The following ACO2 variants were observed in gnomAD, a reference collection of about 807,000 sequenced individuals.
ACO2 encodes the protein aconitase 2, also known as aconitate hydratase, mitochondrial.
Under a neutral mutation model 84.5 loss-of-function variants are expected in ACO2, and 31 were observed. The ratio of observed to expected loss-of-function variants is 0.37; its 90% CI spans 0.28 to 0.50. The LOEUF (loss-of-function observed/expected upper bound fraction) is 0.50, where lower values mean the gene tolerates loss of function less well. Among genes scored for constraint, ACO2 ranks in the 20% least tolerant of loss-of-function variants. The probability of loss-of-function intolerance (pLI) is 0.97; values close to 1 mark genes in which losing one functional copy is unlikely to be tolerated. For synonymous variants in ACO2, 414 were observed against 412.7 expected, an observed-to-expected ratio of 1.00 and a Z score of -0.04; for missense variants, 685 against 1,029.3, an observed-to-expected ratio of 0.67 and a Z score of 4.58.
At chr22:41,521,860 C>T (rs2066529381) in intron 9 of ACO2, among the ~76,000 whole-genome samples, 3 of 151,836 alleles carry the variant, frequency 2.0e-5, no homozygotes, top group Admixed American at 6.6e-5. Context: ...CTGCAGCCTC[C>T]GCCTCCCAGG....
At chr22:41,522,219 G>T (rs751605612) in intron 9 of ACO2, among the ~76,000 whole-genome samples, 19 of 152,132 alleles carry the variant, frequency 1.2e-4, no homozygotes, top group Non-Finnish European at 2.8e-4. Flanking sequence ...GTGGGTCCCA[G>T]CTACTCAGGA....
intron 16 of ACO2, 108 bp from the exon 17 acceptor site, chr22:41,527,793 C>T: frequency 6.4e-7 from 1 of 1,561,338 alleles, no homozygotes; most frequent in East Asian, 2.2e-5. Flanking sequence ...CGGGCATTGT[C>T]CCAGGCAGCA....
intron 1 of ACO2, among the ~76,000 whole-genome samples, chr22:41,479,251 A>T (rs372525092): frequency 1.2e-3 from 176 of 152,342 alleles, no homozygotes; most frequent in African/African-American, 4.1e-3. Context: ...AGACAATGAC[A>T]GATGCCCATC....
intron 1 of ACO2, among the ~76,000 whole-genome samples, chr22:41,485,598 G>A (rs143426938): frequency 0.03 from 4,570 of 151,854 alleles, 105 homozygotes; most frequent in Middle Eastern, 0.058. Context: ...CCACCACCAC[G>A]CCCGGCAAAT....
chr22:41,524,972 A>G lies in ACO2; in HGVS notation c.1605+4A>G, dbSNP rs1172094497. ...TGCAGATGAGCTTCCCAAAGGGGTG[A>G]GCGCCCACGCCCCCTGCTTGCTGGT... On this transcript the variant is annotated splice_donor_region_variant and intron_variant, in intron 13 of 17. Transcript: ENST00000216254. The G allele has an allele frequency of 1.2e-6, 2 of 1,614,010 alleles. No homozygotes were observed. Among genetic ancestry groups the G allele is most frequent in the Non-Finnish European group, 1.7e-6 (2 of 1,180,034 alleles).
intron 15 of ACO2, chr22:41,526,773 C>T (rs1412739732): frequency 4.3e-5 from 15 of 349,080 alleles, no homozygotes; most frequent in East Asian, 3.7e-4. Flanking sequence ...GGGGGCTACA[C>T]GGGGCCTCAC....
At chr22:41,527,449 C>T (rs1418077131) in intron 16 of ACO2, 29 bp downstream of exon 16, 5 of 1,587,784 alleles carry the variant, frequency 3.1e-6, no homozygotes, top group Non-Finnish European at 4.3e-6. Context: ...CCAGGCCATC[C>T]TCATCCCATC....
At chr22:41,495,271 G>A (rs1792033805) in intron 1 of ACO2, among the ~76,000 whole-genome samples, 1 of 151,994 alleles carries the variant, frequency 6.6e-6, no homozygotes, top group Non-Finnish European at 1.5e-5. Context: ...GGGCTCAATT[G>A]ATCCTCCTGC....
intron 1 of ACO2, among the ~76,000 whole-genome samples, chr22:41,488,450 A>G (rs1289444720): frequency 1.3e-5 from 2 of 152,180 alleles, no homozygotes; most frequent in Non-Finnish European, 2.9e-5. Flanking sequence ...TTTGGCACCT[A>G]GGAAGGTATT....
chr22:41,474,020 C>T (rs892889378), intron 1 of ACO2, among the ~76,000 whole-genome samples: 3 of 152,014 alleles, frequency 2.0e-5, no homozygotes, highest in Non-Finnish European at 2.9e-5. Flanking sequence ...TGGGCTGCTG[C>T]GTGCATGATG....
chr22:41,497,911 C>T (rs1002389279), intron 1 of ACO2, among the ~76,000 whole-genome samples: 1 of 151,420 alleles, frequency 6.6e-6, no homozygotes, highest in African/African-American at 2.4e-5. Context: ...ATTGGGAGGC[C>T]GAGGCAGGCG....
rs375929439 is a variant in ACO2, at chr22:41,499,849, A to G, written c.160A>G (p.Ile54Val). 1.2e-6 allele frequency: 2 copies of G among 1,614,056 alleles called. No individual in the cohort carries two copies. The highest frequency in any genetic ancestry group is 1.7e-6 in the Non-Finnish European group (2 of 1,179,994). Residue 54 changes from isoleucine to valine, a missense_variant, in exon 2 of 18, where the codon ATT becomes GTT. By Grantham distance (29) the Ile-to-Val change is conservative. Coordinates refer to ENST00000216254, the MANE Select transcript of ACO2 (RefSeq NM_001098.3). ...HYDLLEKNIN[I>V]VRKRLNRPLT... The stretch of plus-strand genomic sequence containing the variant: ...TGACCTGCTAGAGAAGAACATTAAC[A>G]TTGTTCGCAAACGGTAAGGCTGCAG...
chr22:41,500,012 G>T (rs888641085), intron 2 of ACO2, 150 bp downstream of exon 2: 7 of 996,362 alleles, frequency 7.0e-6, no homozygotes, highest in Non-Finnish European at 1.0e-5. Flanking sequence ...CTGAGGAAAG[G>T]CATTCCAGAT....
At chr22:41,518,638 C>G in intron 8 of ACO2, 66 bp downstream of exon 8, 2 of 1,272,290 alleles carry the variant, frequency 1.6e-6, no homozygotes, top group South Asian at 2.4e-5. Flanking sequence ...CGGGTCCTGC[C>G]TAAATACTCA....
At chr22:41,493,048 A>G (rs2146098470) in intron 1 of ACO2, among the ~76,000 whole-genome samples, 1 of 152,302 alleles carries the variant, frequency 6.6e-6, no homozygotes, top group African/African-American at 2.4e-5. Context: ...ATGCTGTGTC[A>G]TCACTTAGCA....
At chr22:41,511,247 A>G (rs941063745) in intron 3 of ACO2, among the ~76,000 whole-genome samples, 2 of 152,198 alleles carry the variant, frequency 1.3e-5, no homozygotes, top group Non-Finnish European at 2.9e-5. Flanking sequence ...ATCTCGGCTC[A>G]TTGCATCCTT....
Position 41,488,127 on chromosome 22 carries a change from T to C in ACO2, c.37-11599T>C, listed in dbSNP as rs533282754. Among the ~76,000 whole-genome samples, 4 of 152,318 alleles carry C rather than the reference T, an allele frequency of 2.6e-5. No individual in the cohort carries two copies. In the South Asian group the frequency reaches 8.3e-4, roughly 32 times the overall value. ...ATGTGCACAATAGCAACTATAATACTACAGCACTTTCTGTTTTGGTGTCTT... is the reference window on the plus strand; with the variant it reads ...ATGTGCACAATAGCAACTATAATACCACAGCACTTTCTGTTTTGGTGTCTT... On this transcript the variant is annotated intron_variant, in intron 1 of 17. Coordinates refer to ENST00000216254, the MANE Select transcript of ACO2 (RefSeq NM_001098.3).
chr22:41,491,644 T>C (rs902683016), intron 1 of ACO2, among the ~76,000 whole-genome samples: 13 of 152,172 alleles, frequency 8.5e-5, no homozygotes, highest in Non-Finnish European at 2.9e-5. Context: ...ACGAACACAA[T>C]GTCACCACTT....
chr22:41,518,770 C>T (rs1327575317), intron 8 of ACO2, among the ~76,000 whole-genome samples, 198 bp downstream of exon 8: 1 of 139,310 alleles, frequency 7.2e-6, no homozygotes, highest in Non-Finnish European at 1.5e-5. Context: ...CCCGTCTCTA[C>T]TAAAAAAAAA....
Sources: gnomAD v4.1 joint callset for allele counts (sites outside exome capture counted in the v4.1 genomes callset) on GRCh38, gnomAD v4.1.1 for gene constraint, MANE v1.5 for transcripts, NCBI Gene and HGNC (gene_info 2026-07-23, HGNC 2026-07-21) for gene names.